Variants in GLDC observed in about 807,000 individuals in gnomAD.
GLDC encodes glycine dehydrogenase (decarboxylating), mitochondrial.
GLDC carries 104 observed loss-of-function variants against 121.3 expected under a neutral mutation model. The observed-to-expected ratio is 0.86, with a 90% CI of 0.73 to 1.01. The LOEUF is 1.01. Ranked by LOEUF, GLDC falls within the 50% of genes least tolerant of loss-of-function variation. The pLI is 0.00. For missense variants in GLDC, 1,429 were observed against 1,306.6 expected, an observed-to-expected ratio of 1.09 and a Z score of -1.44; for synonymous variants, 546 against 480.6, an observed-to-expected ratio of 1.14 and a Z score of -1.78.
At chr9:6,634,317 C>T (rs1338086709) in intron 2 of GLDC, among the ~76,000 whole-genome samples, 1 of 151,882 alleles carries the variant, frequency 6.6e-6, no homozygotes, top group African/African-American at 2.4e-5. Context: ...GTTGCTTGAG[C>T]TCGGAGTTCA....
At chr9:6,576,486 G>A (rs1005255126) in intron 15 of GLDC, among the ~76,000 whole-genome samples, 1 of 151,992 alleles carries the variant, frequency 6.6e-6, no homozygotes, top group Non-Finnish European at 1.5e-5. Context: ...TTTTTTTTGA[G>A]ATGGGGTTTC....
intron 2 of GLDC, among the ~76,000 whole-genome samples, chr9:6,636,337 G>A (rs1356478422): frequency 6.6e-6 from 1 of 151,928 alleles, no homozygotes; most frequent in Non-Finnish European, 1.5e-5. Flanking sequence ...TGATAATGAT[G>A]CATTAATGTA....
At position 6,620,299 on chromosome 9, in the gene GLDC, T is replaced by G; in HGVS notation, c.355A>C (p.Thr119Pro). ...DPVCENEILA[T>P]LHAISSKNQI... ...TTTTTGCTTGAAATGGCATGCAGAG[T>G]TGCAAGGATTTCATTTTCACCTAAT... is the stretch of plus-strand genomic sequence containing the variant. Residue 119 changes from threonine (T) to proline (P), a missense_variant, in exon 3 of 25, where the codon ACT becomes CCT. By Grantham distance (38) the Thr-to-Pro change is conservative. Coordinates refer to ENST00000321612, the MANE Select transcript of GLDC (RefSeq NM_000170.3). The G allele has an allele frequency of 6.2e-7, 1 of 1,613,478 alleles. No homozygotes were observed. The highest frequency in any genetic ancestry group is 8.5e-7 in the Non-Finnish European group (1 of 1,179,436).
chr9:6,538,799 G>A (rs754385614), intron 22 of GLDC, among the ~76,000 whole-genome samples: 5 of 152,228 alleles, frequency 3.3e-5, no homozygotes, highest in African/African-American at 9.6e-5. Context: ...GTTTTCCTGA[G>A]TCGGCCATTA....
At chr9:6,537,610 G>A (rs573702777) in intron 22 of GLDC, among the ~76,000 whole-genome samples, 13 of 152,060 alleles carry the variant, frequency 8.5e-5, no homozygotes, top group Non-Finnish European at 1.8e-4. Flanking sequence ...GCAAAACCCC[G>A]TCTCTACAAA....
chr9:6,630,518 C>T (rs1342332763), intron 2 of GLDC, among the ~76,000 whole-genome samples: 2 of 152,144 alleles, frequency 1.3e-5, no homozygotes, highest in Non-Finnish European at 2.9e-5. Context: ...AGGAAATCAT[C>T]AGGACTGAAA....
intron 19 of GLDC, among the ~76,000 whole-genome samples, chr9:6,554,305 GA>G (rs954896515): frequency 9.6e-5 from 14 of 146,578 alleles, no homozygotes; most frequent in Admixed American, 2.7e-4. Flanking sequence ...TTTTAAAAAA[GA>G]AAAAAAAAAT....
intron 13 of GLDC, 26 bp from the exon 14 acceptor site, chr9:6,588,468 T>C: frequency 6.3e-7 from 1 of 1,593,878 alleles, no homozygotes; most frequent in Non-Finnish European, 8.6e-7. Flanking sequence ...CCAAAATGTA[T>C]CACATTAGTG....
At chr9:6,641,934 G>A (rs750698532) in intron 2 of GLDC, among the ~76,000 whole-genome samples, 5 of 152,132 alleles carry the variant, frequency 3.3e-5, no homozygotes, top group Non-Finnish European at 7.3e-5. Context: ...TTGAGTAATG[G>A]TGCTCCACTA....
chr9:6,610,993 A>AG (rs1481814422), intron 3 of GLDC, among the ~76,000 whole-genome samples: 2 of 152,390 alleles, frequency 1.3e-5, no homozygotes, highest in Non-Finnish European at 2.9e-5. Context: ...AAAGCATCCA[A>AG]GAATCTAACA....
At chr9:6,644,342 T>C (rs1238133879) in intron 2 of GLDC, among the ~76,000 whole-genome samples, 2 of 151,918 alleles carry the variant, frequency 1.3e-5, no homozygotes, top group Non-Finnish European at 2.9e-5. Flanking sequence ...AAGTGGGGAA[T>C]CTGCTACAAA....
intron 3 of GLDC, 66 bp downstream of exon 3, chr9:6,620,112 GGGGACA>G (rs1222333375): frequency 1.4e-6 from 2 of 1,477,324 alleles, no homozygotes; most frequent in Non-Finnish European, 1.9e-6. Flanking sequence ...GAGACTGCAA[GGGGACA>G]GATGGAGGAT....
chr9:6,534,488 C>T (rs1032751708), intron 24 of GLDC, among the ~76,000 whole-genome samples: 1 of 152,168 alleles, frequency 6.6e-6, no homozygotes, highest in Admixed American at 6.5e-5. Flanking sequence ...TTCAGTTTTC[C>T]CCCACTCTGT....
chr9:6,551,660 C>T (rs1315955847), intron 20 of GLDC, among the ~76,000 whole-genome samples: 1 of 151,948 alleles, frequency 6.6e-6, no homozygotes, highest in Non-Finnish European at 1.5e-5. Context: ...AAGAAGGGTT[C>T]CTAGATTAAG....
At chr9:6,588,554 G>C (rs1280002553) in intron 13 of GLDC, 64 bp downstream of exon 13, 2 of 1,452,590 alleles carry the variant, frequency 1.4e-6, no homozygotes, top group African/African-American at 1.4e-5. Flanking sequence ...AGCATATTAG[G>C]TAGGACCAAG....
At chr9:6,533,751 G>A (rs904429921) in intron 24 of GLDC, among the ~76,000 whole-genome samples, 6 of 151,800 alleles carry the variant, frequency 4.0e-5, no homozygotes, top group African/African-American at 1.2e-4. Flanking sequence ...CCAGTTACTT[G>A]GGAGGCTAAG....
Position 6,554,787 on chromosome 9 carries a change from A to G in GLDC, c.2203-6T>C. The G allele has an allele frequency of 6.2e-7, 1 of 1,607,514 alleles. No individual in the cohort carries two copies. Among genetic ancestry groups the G allele is most frequent in the Non-Finnish European group, 8.5e-7 (1 of 1,175,788 alleles). On this transcript the variant is annotated splice_region_variant and splice_polypyrimidine_tract_variant and intron_variant, in intron 18 of 24. Transcript: ENST00000321612. ...CCAGGGCGACAGATTCCCACCTACC[A>G]CAAAGGCAAGGGCCAAAAGCAAAAG...
At chr9:6,544,867 AGGTG>A (rs1267664572) in intron 21 of GLDC, among the ~76,000 whole-genome samples, 1 of 152,136 alleles carries the variant, frequency 6.6e-6, no homozygotes, top group Non-Finnish European at 1.5e-5. Flanking sequence ...TGGGAGGCCA[AGGTG>A]GGTGGATCAC....
rs1563825884 is a variant in GLDC, at chr9:6,533,042, G to A, written c.3038C>T (p.Ser1013Phe). Residue 1013 changes from serine to phenylalanine, a missense_variant, in exon 25 of 25, where the codon TCT becomes TTT. By Grantham distance (155) the Ser-to-Phe change is radical. Coordinates refer to ENST00000321612, the MANE Select transcript of GLDC (RefSeq NM_000170.3). Reference protein sequence around the residue: ...PPMEVYESPFSEQKRASS With the variant: ...PPMEVYESPFFEQKRASS Reference sequence around the variant, plus strand: ...CTAAGAAGACGCCCTCTTTTGTTCAGAAAATGGAGACTCATAAACTTCCAT... The same window carrying A: ...CTAAGAAGACGCCCTCTTTTGTTCAAAAAATGGAGACTCATAAACTTCCAT... 6.2e-7 allele frequency: 1 copy of A among 1,612,084 alleles called. No individual in the cohort carries two copies. Among genetic ancestry groups the A allele is most frequent in the Non-Finnish European group, 8.5e-7 (1 of 1,178,180 alleles).
Sources: gnomAD v4.1 joint callset for allele counts (sites outside exome capture counted in the v4.1 genomes callset) on GRCh38, gnomAD v4.1.1 for gene constraint, MANE v1.5 for transcripts, NCBI Gene and HGNC (gene_info 2026-07-23, HGNC 2026-07-21) for gene names.